The following VPS13A variants were observed in gnomAD, a reference collection of about 807,000 sequenced individuals.
The protein encoded by VPS13A is intermembrane lipid transfer protein VPS13A.
In VPS13A, 264 loss-of-function variants were observed where a neutral mutation model predicts 390.9. That is an observed-to-expected ratio of 0.68 (90% CI 0.61 to 0.75). VPS13A has a LOEUF of 0.75. VPS13A is among the 30% of genes least tolerant of loss of function. VPS13A has a pLI of 0.00. For missense variants in VPS13A, 3,409 were observed against 3,733.9 expected (o/e 0.91, Z 2.27); for synonymous variants, 1,231 against 1,227.1 (o/e 1.00, Z -0.07).
intron 67 of VPS13A, among the ~76,000 whole-genome samples, chr9:77,380,663 TA>T (rs2131611301): frequency 6.6e-6 from 1 of 152,354 alleles, no homozygotes; most frequent in East Asian, 1.9e-4. Context: ...CATGCATGTG[TA>T]TACATTATGT....
chr9:77,402,679 C>G (rs555321372), intron 68 of VPS13A, among the ~76,000 whole-genome samples: 1 of 152,192 alleles, frequency 6.6e-6, no homozygotes, highest in Non-Finnish European at 1.5e-5. Flanking sequence ...GACAGTGTTT[C>G]AACAGTCTTG....
At position 77,183,297 on chromosome 9, in the gene VPS13A, A is replaced by G. The variant is rs892584898; in HGVS notation, c.100+5493A>G. ...AGCATATATGTGCATGCAGGTAACA[A>G]TCATCACATGATAATGAACATATCT... On this transcript the variant is annotated intron_variant, in intron 1 of 71. Coordinates refer to ENST00000360280, the MANE Select transcript of VPS13A (RefSeq NM_033305.3). 3.9e-5 allele frequency among the ~76,000 whole-genome samples: 6 copies of G among 152,218 alleles called. No individual in the cohort carries two copies. The South Asian group carries it at 6.2e-4, about 16-fold the overall frequency.
intron 71 of VPS13A, among the ~76,000 whole-genome samples, chr9:77,415,729 G>T (rs971375945): frequency 6.6e-6 from 1 of 152,126 alleles, no homozygotes; most frequent in Non-Finnish European, 1.5e-5. Flanking sequence ...AACATCCAAA[G>T]ACCTTAGAAG....
chr9:77,253,637 A>G (rs1426218631), intron 22 of VPS13A, among the ~76,000 whole-genome samples: 3 of 152,094 alleles, frequency 2.0e-5, no homozygotes, highest in African/African-American at 4.8e-5. Flanking sequence ...TATTTTGGAT[A>G]TTAACTCTTT....
Position 77,241,450 on chromosome 9 carries a change from T to TC in VPS13A, c.1900+3065dup, listed in dbSNP as rs1383122980. Among the ~76,000 whole-genome samples the TC allele has an allele frequency of 1.4e-4, 21 of 151,574 alleles. No homozygotes were observed. In the South Asian group the frequency reaches 4.0e-3, roughly 29 times the overall value. On this transcript the variant is annotated intron_variant, in intron 19 of 71. Transcript: ENST00000360280. ...TTTACACTTGTCTTTTTTTTTTTTT[T>TC]CAGAGATCATAAGTACAGTATTTTA... is the stretch of plus-strand genomic sequence containing the variant.
At position 77,418,651 on chromosome 9, in the gene VPS13A, G is replaced by A. The variant is rs1587746356; in HGVS notation, c.*2645G>A. 1 of 137,586 alleles carries A rather than the reference G, an allele frequency of 7.3e-6. No individual in the cohort carries two copies. The highest frequency in any genetic ancestry group is 2.7e-5 in the African/African-American group (1 of 36,878). 8.5% of individuals were successfully genotyped at this position (137,586 alleles called of 1,614,324 possible). A position where few individuals can be genotyped will look rare whatever the true frequency, so the allele number is the denominator to read the frequency against. The stretch of plus-strand genomic sequence containing the variant: ...AAACAATCATTACCACCTGTAGACA[G>A]TTCTTACCTACCCCTCTCCTCCACA... On this transcript the variant is annotated 3_prime_UTR_variant, in exon 72 of 72. Transcript: ENST00000360280.
At chr9:77,266,990 A>T (rs1005125150) in intron 23 of VPS13A, among the ~76,000 whole-genome samples, 1 of 151,836 alleles carries the variant, frequency 6.6e-6, no homozygotes, top group African/African-American at 2.4e-5. Context: ...CGAAGTTCTC[A>T]TGCTGTGTTT....
intron 33 of VPS13A, among the ~76,000 whole-genome samples, chr9:77,301,502 G>C (rs1218509568): frequency 1.3e-5 from 2 of 152,100 alleles, no homozygotes; most frequent in African/African-American, 4.8e-5. Flanking sequence ...AGGCATTTTG[G>C]GAGATCCCTG....
At chr9:77,264,692 T>C (rs1825935184) in intron 23 of VPS13A, among the ~76,000 whole-genome samples, 1 of 152,190 alleles carries the variant, frequency 6.6e-6, no homozygotes, top group South Asian at 2.1e-4. Flanking sequence ...TAAGGAGATT[T>C]TGGGCTGAGG....
At chr9:77,277,616 A>G (rs1248280317) in intron 26 of VPS13A, among the ~76,000 whole-genome samples, 2 of 152,092 alleles carry the variant, frequency 1.3e-5, no homozygotes, top group African/African-American at 4.8e-5. Context: ...GCAACTGGTG[A>G]TCCTTTTAGT....
chr9:77,219,887 A>G, intron 10 of VPS13A, 67 bp from the exon 11 acceptor site: 1 of 1,529,780 alleles, frequency 6.5e-7, no homozygotes, highest in Non-Finnish European at 9.0e-7. Flanking sequence ...TTTCAACTTC[A>G]TCACTTTATT....
chr9:77,269,029 G>A (rs1389724815), intron 23 of VPS13A, among the ~76,000 whole-genome samples: 1 of 151,942 alleles, frequency 6.6e-6, no homozygotes, highest in Non-Finnish European at 1.5e-5. Context: ...CTGTTGGTGA[G>A]TTTTTTTGTT....
chr9:77,314,351 T>G, intron 36 of VPS13A, 144 bp from the exon 37 acceptor site: 1 of 949,124 alleles, frequency 1.1e-6, no homozygotes, highest in Non-Finnish European at 1.6e-6. Flanking sequence ...ATGTATATAT[T>G]TTTAGCCTTT....
At chr9:77,345,271 A>G in intron 52 of VPS13A, 129 bp downstream of exon 52, 3 of 1,059,570 alleles carry the variant, frequency 2.8e-6, no homozygotes, top group South Asian at 3.0e-5. Flanking sequence ...ACAGTGTTCC[A>G]TTAAAAAATG....
chr9:77,249,858 C>G (rs1335041826), intron 20 of VPS13A, among the ~76,000 whole-genome samples: 1 of 152,180 alleles, frequency 6.6e-6, no homozygotes, highest in South Asian at 2.1e-4. Flanking sequence ...TCAGGACCAT[C>G]TTGGTTTCTT....
chr9:77,207,363 TATATATGAC>T (rs931922382), intron 5 of VPS13A, among the ~76,000 whole-genome samples: 3 of 148,970 alleles, frequency 2.0e-5, no homozygotes, highest in Non-Finnish European at 4.5e-5. Context: ...TTCATTGGCA[TATATATGAC>T]ATATATAATA....
At chr9:77,344,700 A>T (rs905621553) in intron 51 of VPS13A, among the ~76,000 whole-genome samples, 1 of 151,932 alleles carries the variant, frequency 6.6e-6, no homozygotes, top group African/African-American at 2.4e-5. Context: ...TGGAGCTTGC[A>T]GTGAGCCGAG....
At chr9:77,202,126 A>G (rs563814315) in intron 3 of VPS13A, among the ~76,000 whole-genome samples, 28 of 152,298 alleles carry the variant, frequency 1.8e-4, no homozygotes, top group African/African-American at 6.5e-4. Flanking sequence ...GGAACAAAGT[A>G]TTCTGAAAGG....
At chr9:77,303,834 C>T (rs1461708140) in intron 34 of VPS13A, among the ~76,000 whole-genome samples, 1 of 152,178 alleles carries the variant, frequency 6.6e-6, no homozygotes, top group Non-Finnish European at 1.5e-5. Context: ...CATGTCTCGC[C>T]TCCCACCATA....
Sources: gnomAD v4.1 joint callset for allele counts (sites outside exome capture counted in the v4.1 genomes callset) on GRCh38, gnomAD v4.1.1 for gene constraint, MANE v1.5 for transcripts, NCBI Gene and HGNC (gene_info 2026-07-23, HGNC 2026-07-21) for gene names.